Variants in ARMCX5 observed in about 807,000 individuals in gnomAD.
ARMCX5 encodes armadillo repeat-containing X-linked protein 5.
In ARMCX5, 1 loss-of-function variant was observed where a neutral mutation model predicts 7.5. The observed-to-expected ratio is 0.13, with a 90% CI of 0.05 to 0.63. The LOEUF (loss-of-function observed/expected upper bound fraction) is 0.63, where lower values mean the gene tolerates loss of function less well. ARMCX5 is among the 30% of genes least tolerant of loss of function. ARMCX5 has a pLI of 0.86. For synonymous variants in ARMCX5, 149 were observed against 145.7 expected, an observed-to-expected ratio of 1.02 and a Z score of -0.16; for missense variants, 346 against 402.2, an observed-to-expected ratio of 0.86 and a Z score of 1.19.
rs760920872 is a variant in ARMCX5, at chrX:102,603,496, T to C, written c.1355T>C (p.Val452Ala). The change falls in exon 4 of 4, where the codon GTT (valine) becomes GCT (alanine). Residue 452 changes from valine to alanine, a missense_variant. Coordinates refer to ENST00000473968, the MANE Select transcript of ARMCX5 (RefSeq NM_001168478.2). The part of the protein sequence containing the change: ...NKGSVKTKFY[V>A]LKVFSCLSKN... ...GGAAGTGTCAAAACCAAGTTTTATG[T>C]TTTAAAAGTGTTTTCGTGTTTGTCT... is the stretch of plus-strand genomic sequence containing the variant. The C allele has an allele frequency of 5.0e-6, 6 of 1,209,987 alleles. No individual in the cohort carries two copies. Among genetic ancestry groups the C allele is most frequent in the Non-Finnish European group, 6.7e-6 (6 of 893,932 alleles).
Position 102,603,082 on chromosome X carries a change from A to C in ARMCX5, c.941A>C (p.Lys314Thr). The change falls in exon 4 of 4, where the codon AAA (lysine) becomes ACA (threonine). Residue 314 changes from lysine to threonine, a missense_variant. By Grantham distance (78) the Lys-to-Thr change is moderately conservative. This residue lies in a region of ARMCX5 where 204 missense variants were observed against 244.3 expected (regional missense o/e 0.83). Transcript: ENST00000473968. Reference protein sequence around the residue: ...GFSLEPKEFDKLVALLKLTKD... With the variant: ...GFSLEPKEFDTLVALLKLTKD... ...AGTTTAGAGCCTAAAGAGTTTGATA[A>C]ACTTGTTGCCCTCCTTAAGTTAACT... 3 of 1,211,441 alleles carry C rather than the reference A, an allele frequency of 2.5e-6. No individual in the cohort carries two copies. Among genetic ancestry groups the C allele is most frequent in the Non-Finnish European group, 3.4e-6 (3 of 895,052 alleles).
chrX:102,603,275 C>T lies in ARMCX5; in HGVS notation c.1134C>T (p.Asp378=). ...EHPGALSMVD[D]SSESSEEPKS... is the part of the protein sequence containing the mutation. ...CTGGAGCTTTAAGTATGGTGGATGACAGCTCTGAGTCTTCCGAAGAACCAA... is the reference window on the plus strand; with the variant it reads ...CTGGAGCTTTAAGTATGGTGGATGATAGCTCTGAGTCTTCCGAAGAACCAA... The change falls in exon 4 of 4, where the codon GAC becomes GAT. Residue 378 remains aspartate (D), a synonymous_variant. Transcript: ENST00000473968. The T allele has an allele frequency of 2.5e-6, 3 of 1,211,380 alleles. No individual in the cohort carries two copies. Among genetic ancestry groups the T allele is most frequent in the Non-Finnish European group, 3.4e-6 (3 of 895,355 alleles).
chrX:102,602,158 C>T lies in ARMCX5; in HGVS notation c.17C>T (p.Thr6Ile), dbSNP rs1454640404. The T allele has an allele frequency of 5.8e-6, 7 of 1,202,568 alleles. No homozygotes were observed. Among genetic ancestry groups the T allele is most frequent in the East Asian group, 3.0e-5 (1 of 33,695 alleles). The change falls in exon 4 of 4, where the codon ACA (threonine) becomes ATA (isoleucine). Residue 6 changes from threonine to isoleucine, a missense_variant. This residue lies in a region of ARMCX5 where 204 missense variants were observed against 244.3 expected (regional missense o/e 0.83). Coordinates refer to ENST00000473968, the MANE Select transcript of ARMCX5 (RefSeq NM_001168478.2). ...ACTTGGAACATGGTTGACTCTGGGA[C>T]AGAAGCAAGGGCTAGAGGAAAGGCT... is the stretch of plus-strand genomic sequence containing the variant. Reference protein sequence around the residue: MVDSGTEARARGKAEA... With the variant: MVDSGIEARARGKAEA...
At position 102,603,830 on chromosome X, in the gene ARMCX5, T is replaced by C. The variant is rs374272924; in HGVS notation, c.*12T>C. The C allele has an allele frequency of 1.1e-5, 11 of 1,043,147 alleles. No individual in the cohort carries two copies. The highest frequency in any genetic ancestry group is 6.3e-5 in the Admixed American group (2 of 31,994). 86.0% of individuals were successfully genotyped at this position (1,043,147 alleles called of 1,213,427 possible). A position where few individuals can be genotyped will look rare whatever the true frequency, so the allele number is the denominator to read the frequency against. On this transcript the variant is annotated 3_prime_UTR_variant, in exon 4 of 4. Transcript: ENST00000473968. ...TACTAAAACTCTGAATACCCCTCTG[T>C]TCTCATAAAGCCTCAAACAGTTTTT...
Position 102,600,965 on chromosome X carries a change from G to A in ARMCX5, c.-376G>A, listed in dbSNP as rs1459332618. ...GTGGAACTGTCAGTTGTGAAGTTTT[G>A]TAAAATGGTCACCCAACTTAAAACT... On this transcript the variant is annotated 5_prime_UTR_variant, in exon 2 of 4. Transcript: ENST00000473968. 1.8e-5 allele frequency: 2 copies of A among 111,870 alleles called. No homozygotes were observed. The highest frequency in any genetic ancestry group is 3.8e-5 in the Non-Finnish European group (2 of 53,197). 9.2% of individuals were successfully genotyped at this position (111,870 alleles called of 1,213,427 possible).
In ARMCX5 at chrX:102,599,840, C is replaced by T. The variant is rs2081006717; in HGVS notation, c.-429C>T. 1.9e-5 allele frequency: 2 copies of T among 104,770 alleles called. No individual in the cohort carries two copies. The highest frequency in any genetic ancestry group is 7.0e-5 in the African/African-American group (2 of 28,533). The allele number at this position is 104,770 out of a possible 1,213,427, so 8.6% of individuals were successfully genotyped here. ...ATAAGAAAACTGCCTCTGATCCAAG[C>T]AGAGAAGGTCAGTGAGAAGGTGCGC... On this transcript the variant is annotated 5_prime_UTR_variant, in exon 1 of 4. Coordinates refer to ENST00000473968, the MANE Select transcript of ARMCX5 (RefSeq NM_001168478.2).
rs1031287615 is a variant in ARMCX5 at position 102,604,000 on chromosome X, A to G, written c.*182A>G. 3.0e-6 allele frequency: 1 copy of G among 334,274 alleles called. No individual in the cohort carries two copies. Among genetic ancestry groups the G allele is most frequent in the Non-Finnish European group, 5.3e-6 (1 of 188,139 alleles). The allele number at this position is 334,274 out of a possible 1,213,427, so 27.5% of individuals were successfully genotyped here. A position where few individuals can be genotyped will look rare whatever the true frequency, so the allele number is the denominator to read the frequency against. The stretch of plus-strand genomic sequence containing the variant: ...GCTGATTTTTATTGTGCTATATAGT[A>G]TATAAATTGAGATATTTTTGGTATT... On this transcript the variant is annotated 3_prime_UTR_variant, in exon 4 of 4. Transcript: ENST00000473968.
In ARMCX5 at chrX:102,603,900, A is replaced by C; in HGVS notation, c.*82A>C. The stretch of plus-strand genomic sequence containing the variant: ...CAATGCATATTGTAATTATAAATTC[A>C]ATACTTATGTTTTCCATGTTGATTG... On this transcript the variant is annotated 3_prime_UTR_variant, in exon 4 of 4. Coordinates refer to ENST00000473968, the MANE Select transcript of ARMCX5 (RefSeq NM_001168478.2). The C allele has an allele frequency of 1.6e-6, 1 of 633,086 alleles. No homozygotes were observed. The highest frequency in any genetic ancestry group is 2.4e-6 in the Non-Finnish European group (1 of 414,747). The allele number at this position is 633,086 out of a possible 1,213,427, so 52.2% of individuals were successfully genotyped here. A position where few individuals can be genotyped will look rare whatever the true frequency, so the allele number is the denominator to read the frequency against.
In ARMCX5 at chrX:102,600,933, C is replaced by T. The variant is rs969316709; in HGVS notation, c.-408C>T. 3.0e-4 allele frequency: 34 copies of T among 111,684 alleles called. No individual in the cohort carries two copies. Among genetic ancestry groups the T allele is most frequent in the African/African-American group, 1.1e-3 (34 of 30,646 alleles). 9.2% of individuals were successfully genotyped at this position (111,684 alleles called of 1,213,427 possible). A position where few individuals can be genotyped will look rare whatever the true frequency, so the allele number is the denominator to read the frequency against. ...GAATCCCTGTAGGTAGATCTGTCCC[C>T]AGGTCTGTGGAACTGTCAGTTGTGA... On this transcript the variant is annotated 5_prime_UTR_variant, in exon 2 of 4. Transcript: ENST00000473968.
Position 102,603,205 on chromosome X carries a change from T to C in ARMCX5, c.1064T>C (p.Val355Ala), listed in dbSNP as rs1199746561. 1 of 1,209,123 alleles carries C rather than the reference T, an allele frequency of 8.3e-7. No individual in the cohort carries two copies. Among genetic ancestry groups the C allele is most frequent in the South Asian group, 1.8e-5 (1 of 56,844 alleles). ...QDIIHDVGIT[V>A]MIENLVNNPN... is the part of the protein sequence containing the mutation. The stretch of plus-strand genomic sequence containing the variant: ...ATAATTCATGATGTAGGTATTACTG[T>C]TATGATTGAAAACTTGGTCAATAAT... The change falls in exon 4 of 4, where the codon GTT becomes GCT. Residue 355 changes from valine (V) to alanine (A), a missense_variant. This residue lies in a region of ARMCX5 where 139 missense variants were observed against 141.1 expected (regional missense o/e 0.99). Coordinates refer to ENST00000473968, the MANE Select transcript of ARMCX5 (RefSeq NM_001168478.2).
upstream of ARMCX5, chrX:102,599,503 A>G (rs1015983213): frequency 5.5e-5 from 6 of 109,452 alleles, no homozygotes; most frequent in Non-Finnish European, 9.5e-5. Flanking sequence ...CCCATAAACT[A>G]CGCTCTAGCT....
In ARMCX5 at chrX:102,599,537, C is replaced by G. The variant is rs888554465; in HGVS notation, c.-732C>G. 9.1e-6 allele frequency: 1 copy of G among 110,036 alleles called. No homozygotes were observed. The highest frequency in any genetic ancestry group is 1.9e-5 in the Non-Finnish European group (1 of 52,842). The allele number at this position is 110,036 out of a possible 1,213,427, so 9.1% of individuals were successfully genotyped here. A position where few individuals can be genotyped will look rare whatever the true frequency, so the allele number is the denominator to read the frequency against. ...CTCCTCCCACTGCCGTTGTGGGTAA[C>G]GCGGACGTGGAAGAACCTCGTCTGC... On this transcript the variant is annotated 5_prime_UTR_variant, in exon 1 of 4. Transcript: ENST00000473968.
In ARMCX5 at chrX:102,602,582, G is replaced by A. The variant is rs2081054224; in HGVS notation, c.441G>A (p.Gly147=). The change falls in exon 4 of 4, where the codon GGG becomes GGA. Residue 147 remains glycine (G), a synonymous_variant. Transcript: ENST00000473968. ...AGTCACATGATAAGGCCAATACTGGGTCCAGACCTGACAGAAGGGAAGAGA... is the reference window on the plus strand; with the variant it reads ...AGTCACATGATAAGGCCAATACTGGATCCAGACCTGACAGAAGGGAAGAGA... ...YAKSHDKANT[G]SRPDRREETS... is the part of the protein sequence containing the mutation. 1 of 1,210,886 alleles carries A rather than the reference G, an allele frequency of 8.3e-7. No homozygotes were observed. The highest frequency in any genetic ancestry group is 1.7e-5 in the African/African-American group (1 of 57,671).
intron 1 of ARMCX5, chrX:102,600,239 A>G (rs754156259): frequency 3.6e-5 from 4 of 110,234 alleles, no homozygotes; most frequent in African/African-American, 1.3e-4. Flanking sequence ...TGGTCTGACC[A>G]TTAATAACCA....
At position 102,602,445 on chromosome X, in the gene ARMCX5, A is replaced by G; in HGVS notation, c.304A>G (p.Ile102Val). ...TKTKPLAERSIVPQTKSKAMP... is the reference protein window; with the variant it reads ...TKTKPLAERSVVPQTKSKAMP... ...GACAAAACCCCTGGCAGAACGCAGT[A>G]TAGTGCCACAAACCAAGTCAAAGGC... Residue 102 changes from isoleucine to valine, a missense_variant, in exon 4 of 4, where the codon ATA (isoleucine) becomes GTA (valine). This residue lies in a region of ARMCX5 where 204 missense variants were observed against 244.3 expected (regional missense o/e 0.83). Coordinates refer to ENST00000473968, the MANE Select transcript of ARMCX5 (RefSeq NM_001168478.2). 8.3e-7 allele frequency: 1 copy of G among 1,211,974 alleles called. No homozygotes were observed. The highest frequency in any genetic ancestry group is 1.1e-6 in the Non-Finnish European group (1 of 895,490).
Position 102,603,423 on chromosome X carries a change from T to C in ARMCX5, c.1282T>C (p.Tyr428His). Residue 428 changes from tyrosine (Y) to histidine (H), a missense_variant, in exon 4 of 4, where the codon TAT (tyrosine) becomes CAT (histidine). Around this residue, in one of 3 missense-constraint regions of ARMCX5, gnomAD observed 139 missense variants for 141.1 expected, o/e 0.99. Coordinates refer to ENST00000473968, the MANE Select transcript of ARMCX5 (RefSeq NM_001168478.2). ...CTTGAGTATAAAATTTGAAGATCAC[T>C]ATGTGATTACCAGTTATATTCCAGA... ...GHLSIKFEDH[Y>H]VITSYIPDFL... 1 of 1,209,582 alleles carries C rather than the reference T, an allele frequency of 8.3e-7. No individual in the cohort carries two copies. The highest frequency in any genetic ancestry group is 1.1e-6 in the Non-Finnish European group (1 of 893,829).
At chrX:102,599,390 A>G (rs1349860366), upstream of ARMCX5, 1 of 110,813 alleles carries the variant, frequency 9.0e-6, no homozygotes, top group East Asian at 2.9e-4. Flanking sequence ...GCGCATTCCA[A>G]TACCTGAAGC....
Position 102,603,002 on chromosome X carries a change from A to G in ARMCX5, c.861A>G (p.Gln287=). ...CTGAGATCAAAAAACAGATTAGGCA[A>G]AGGGAAAAGTATGGGCCTAATCCGA... The part of the protein sequence containing the change: ...TLAEIKKQIR[Q]REKYGPNPKA... Residue 287 remains glutamine, a synonymous_variant, in exon 4 of 4, where the codon CAA becomes CAG. Transcript: ENST00000473968. The G allele has an allele frequency of 8.3e-7, 1 of 1,211,494 alleles. No homozygotes were observed. Among genetic ancestry groups the G allele is most frequent in the African/African-American group, 1.7e-5 (1 of 57,739 alleles).
Position 102,602,970 on chromosome X carries a change from A to G in ARMCX5, c.829A>G (p.Thr277Ala), listed in dbSNP as rs139067925. 9.4e-5 allele frequency: 114 copies of G among 1,208,770 alleles called. No homozygotes were observed. The East Asian group carries it at 3.2e-3, about 34-fold the overall frequency. Residue 277 changes from threonine (T) to alanine (A), a missense_variant, in exon 4 of 4, where the codon ACC (threonine) becomes GCC (alanine). Physicochemically the swap from Thr to Ala is moderately conservative, Grantham distance 58. Coordinates refer to ENST00000473968, the MANE Select transcript of ARMCX5 (RefSeq NM_001168478.2). ...ACCTTATCATGGGCCTTATTACCAG[A>G]CCTTAGCTGAGATCAAAAAACAGAT... ...IPPYHGPYYQTLAEIKKQIRQ... is the reference protein window; with the variant it reads ...IPPYHGPYYQALAEIKKQIRQ...
Sources: allele counts gnomAD v4.1 joint callset, GRCh38; gene constraint gnomAD v4.1.1; regional missense constraint gnomAD v4.1.1; transcripts MANE v1.5; gene names NCBI Gene and HGNC (gene_info 2026-07-23, HGNC 2026-07-21).